CACNA2D1: variants seen among roughly 807,000 people sequenced by gnomAD.
The protein encoded by CACNA2D1 is voltage-dependent calcium channel subunit alpha-2/delta-1.
Under a neutral mutation model 171.5 loss-of-function variants are expected in CACNA2D1, and 53 were observed. The ratio of observed to expected loss-of-function variants is 0.31; its 90% CI spans 0.25 to 0.39. CACNA2D1 has a LOEUF of 0.39. Among genes scored for constraint, CACNA2D1 ranks in the 10% least tolerant of loss-of-function variants. CACNA2D1 has a pLI of 1.00. For synonymous variants in CACNA2D1, 442 were observed against 443.1 expected, an observed-to-expected ratio of 1.00 and a Z score of 0.03; for missense variants, 903 against 1,299.8, an observed-to-expected ratio of 0.69 and a Z score of 4.69.
intron 3 of CACNA2D1, among the ~76,000 whole-genome samples, chr7:82,198,910 G>GA (rs1799127302): frequency 6.6e-6 from 1 of 151,998 alleles, no homozygotes; most frequent in Non-Finnish European, 1.5e-5. Flanking sequence ...TTGGCTTTGT[G>GA]AAGAGTTTCA....
intron 3 of CACNA2D1, among the ~76,000 whole-genome samples, chr7:82,265,142 G>A (rs922726100): frequency 5.9e-5 from 9 of 152,178 alleles, no homozygotes; most frequent in African/African-American, 1.7e-4. Context: ...CACACAGAAA[G>A]CTGGCCAAGG....
chr7:82,158,890 T>C (rs960636512), intron 4 of CACNA2D1, among the ~76,000 whole-genome samples: 1 of 151,916 alleles, frequency 6.6e-6, no homozygotes, highest in Non-Finnish European at 1.5e-5. Context: ...TCCTATTTAA[T>C]AGAGTCAGAT....
intron 1 of CACNA2D1, among the ~76,000 whole-genome samples, chr7:82,420,337 T>C (rs1828599770): frequency 6.6e-6 from 1 of 152,218 alleles, no homozygotes; most frequent in African/African-American, 2.4e-5. Context: ...GAAGGACTGG[T>C]CAGAAATATA....
chr7:82,242,709 C>T (rs1382921685), intron 3 of CACNA2D1, among the ~76,000 whole-genome samples: 1 of 152,076 alleles, frequency 6.6e-6, no homozygotes, highest in East Asian at 1.9e-4. Context: ...AGAAAATTTT[C>T]CTTCTCCAAA....
At chr7:82,345,972 TG>T (rs942915438) in intron 2 of CACNA2D1, among the ~76,000 whole-genome samples, 1 of 152,134 alleles carries the variant, frequency 6.6e-6, no homozygotes, top group African/African-American at 2.4e-5. Flanking sequence ...GTGGGGCACA[TG>T]GCTGCTCAGA....
chr7:82,162,630 T>C (rs1013094779), intron 4 of CACNA2D1, among the ~76,000 whole-genome samples: 1 of 148,034 alleles, frequency 6.8e-6, no homozygotes, highest in Non-Finnish European at 1.5e-5. Flanking sequence ...ATTTCTTCTT[T>C]TTTAAGAGAC....
rs913441130 is a variant in CACNA2D1, at chr7:82,026,510, T to C, written c.1143+6287A>G. Among the ~76,000 whole-genome samples the C allele has an allele frequency of 9.9e-5, 15 of 151,888 alleles. No individual in the cohort carries two copies. The East Asian group carries it at 2.7e-3, about 27-fold the overall frequency. On this transcript the variant is annotated intron_variant, in intron 12 of 38. Coordinates refer to ENST00000356860, the MANE Select transcript of CACNA2D1 (RefSeq NM_000722.4). ...TCTATCGAATTTCATTTTTACACAT[T>C]GGCCATTTGAAAGATAGTATTTCTG... is the stretch of plus-strand genomic sequence containing the variant.
intron 10 of CACNA2D1, among the ~76,000 whole-genome samples, chr7:82,058,935 T>C (rs1806271198): frequency 6.6e-6 from 1 of 152,132 alleles, no homozygotes; most frequent in African/African-American, 2.4e-5. Flanking sequence ...ATACCTACTC[T>C]TAGGCCGCGA....
intron 16 of CACNA2D1, among the ~76,000 whole-genome samples, chr7:82,006,479 T>G (rs552495369): frequency 6.6e-6 from 1 of 152,090 alleles, no homozygotes; most frequent in Admixed American, 6.6e-5. Context: ...AGATGGAAAT[T>G]GTTTTAAAAT....
rs547958464 is a variant in CACNA2D1 at position 82,443,482 on chromosome 7, C to T, written c.-23G>A. ...CATCTTCGCGATCGAAGATCAATGC[C>T]CCCTCCCTGCCCAAGCGGGGGAAGG... On this transcript the variant is annotated 5_prime_UTR_variant, in exon 1 of 39. Transcript: ENST00000356860. The T allele has an allele frequency of 1.2e-6, 2 of 1,602,754 alleles. No homozygotes were observed. Among genetic ancestry groups the T allele is most frequent in the South Asian group, 2.2e-5 (2 of 89,620 alleles).
chr7:82,202,348 C>T (rs549632111), intron 3 of CACNA2D1, among the ~76,000 whole-genome samples: 301 of 152,220 alleles, frequency 2.0e-3, no homozygotes, highest in Non-Finnish European at 3.4e-3. Flanking sequence ...TGGGCTGGAA[C>T]CTGACACTTG....
Position 81,951,129 on chromosome 7 carries a change from A to G in CACNA2D1, c.3160-621T>C, listed in dbSNP as rs190023428. Among the ~76,000 whole-genome samples, 99 of 152,224 alleles carry G rather than the reference A, an allele frequency of 6.5e-4. 2 individuals carry two copies. Among genetic ancestry groups the G allele is most frequent in the Non-Finnish European group, 9.0e-4 (61 of 67,972 alleles). On this transcript the variant is annotated intron_variant, in intron 38 of 38. Transcript: ENST00000356860. ...CTTTGCAAATATATATCCAAAATAG[A>G]GAGCTAAGCTAGGAAGAGATTTGTC...
chr7:82,257,744 T>TA (rs1806477463), intron 3 of CACNA2D1, among the ~76,000 whole-genome samples: 1 of 152,174 alleles, frequency 6.6e-6, no homozygotes, highest in African/African-American at 2.4e-5. Flanking sequence ...TTCTCACATT[T>TA]AAAAAAATAC....
chr7:82,157,844 T>C (rs892711808), intron 4 of CACNA2D1, among the ~76,000 whole-genome samples: 5 of 151,996 alleles, frequency 3.3e-5, no homozygotes, highest in African/African-American at 1.2e-4. Flanking sequence ...GATTTTCAAA[T>C]AAAAGTATGA....
At chr7:82,017,568 G>A (rs923293427) in intron 12 of CACNA2D1, among the ~76,000 whole-genome samples, 1 of 151,628 alleles carries the variant, frequency 6.6e-6, no homozygotes, top group African/African-American at 2.4e-5. Flanking sequence ...AATTCCAGAT[G>A]CTAAAGTCCA....
intron 38 of CACNA2D1, among the ~76,000 whole-genome samples, chr7:81,955,959 G>GCT (rs1491026744): frequency 1.5e-5 from 1 of 66,106 alleles, no homozygotes; most frequent in Non-Finnish European, 2.9e-5. Context: ...AGTCACTGTT[G>GCT]CTATATATAT....
chr7:82,361,776 T>A (rs1193469251), intron 1 of CACNA2D1, among the ~76,000 whole-genome samples: 3 of 152,144 alleles, frequency 2.0e-5, no homozygotes, highest in Admixed American at 6.5e-5. Context: ...ATTTTTCTAG[T>A]TAAATATTTA....
intron 12 of CACNA2D1, among the ~76,000 whole-genome samples, chr7:82,022,818 A>T (rs953767627): frequency 2.6e-5 from 4 of 151,878 alleles, no homozygotes; most frequent in Non-Finnish European, 5.9e-5. Context: ...AAATGGATTT[A>T]TTGTCAAGTG....
At chr7:82,342,587 A>T (rs1818806021) in intron 2 of CACNA2D1, among the ~76,000 whole-genome samples, 1 of 152,230 alleles carries the variant, frequency 6.6e-6, no homozygotes, top group African/African-American at 2.4e-5. Context: ...TTCCAACAAT[A>T]GAATAAATAC....
Sources: allele counts gnomAD v4.1 joint callset (sites outside exome capture counted in the v4.1 genomes callset), GRCh38; gene constraint gnomAD v4.1.1; transcripts MANE v1.5; gene names NCBI Gene and HGNC (gene_info 2026-07-23, HGNC 2026-07-21).